The following OR52N2 variants were observed in gnomAD, a reference collection of about 807,000 sequenced individuals.
OR52N2 encodes olfactory receptor 52N2.
For synonymous variants in OR52N2, 129 were observed against 72.0 expected (o/e 1.79, Z -4.01); for missense variants, 326 against 196.6 (o/e 1.66, Z -3.94).
rs746796001 is a variant in OR52N2 at position 5,820,937 on chromosome 11, G to C, written c.602G>C (p.Gly201Ala). Residue 201 changes from glycine (G) to alanine (A), a missense_variant, in exon 2 of 2, where the codon GGT (glycine) becomes GCT (alanine). Coordinates refer to ENST00000317037, the MANE Select transcript of OR52N2 (RefSeq NM_001005174.3). Reference sequence around the variant, plus strand: ...AATTTCAAGGTCAATGCTATTTATGGTCTGATGGTTGCTCTCCTGATTGGT... The same window carrying C: ...AATTTCAAGGTCAATGCTATTTATGCTCTGATGGTTGCTCTCCTGATTGGT... ...CGNFKVNAIY[G>A]LMVALLIGVF... is the part of the protein sequence containing the mutation. The C allele has an allele frequency of 3.8e-6, 3 of 780,976 alleles. No individual in the cohort carries two copies. The highest frequency in any genetic ancestry group is 4.8e-6 in the Non-Finnish European group (2 of 418,108). 48.4% of individuals were successfully genotyped at this position (780,976 alleles called of 1,614,324 possible).
chr11:5,820,900 G>C lies in OR52N2; in HGVS notation c.565G>C (p.Val189Leu). 1.3e-6 allele frequency: 1 copy of C among 781,008 alleles called. No individual in the cohort carries two copies. The highest frequency in any genetic ancestry group is 1.3e-5 in the South Asian group (1 of 74,616). 48.4% of individuals were successfully genotyped at this position (781,008 alleles called of 1,614,324 possible). ...TYCDHMSVAK[V>L]SCGNFKVNAI... ...CTGTGACCATATGTCTGTGGCCAAG[G>C]TATCCTGTGGCAATTTCAAGGTCAA... is the stretch of plus-strand genomic sequence containing the variant. Residue 189 changes from valine to leucine, a missense_variant, in exon 2 of 2, where the codon GTA becomes CTA. Val to Leu is a conservative substitution (Grantham distance 32). Transcript: ENST00000317037.
intron 1 of OR52N2, among the ~76,000 whole-genome samples, chr11:5,815,545 G>A (rs1846397368): frequency 6.6e-6 from 1 of 152,096 alleles, no homozygotes; most frequent in African/African-American, 2.4e-5. Context: ...ACACCAATTA[G>A]GATGGCTACT....
intron 1 of OR52N2, among the ~76,000 whole-genome samples, chr11:5,819,085 C>T (rs1299347365): frequency 6.6e-6 from 1 of 152,140 alleles, no homozygotes; most frequent in Non-Finnish European, 1.5e-5. Context: ...GGATTCACAA[C>T]CATGTAATCC....
In OR52N2 at chr11:5,820,453, G is replaced by C. The variant is rs1196928521; in HGVS notation, c.118G>C (p.Ala40Pro). Residue 40 changes from alanine to proline, a missense_variant, in exon 2 of 2, where the codon GCT becomes CCT. By Grantham distance (27) the Ala-to-Pro change is conservative. Coordinates refer to ENST00000317037, the MANE Select transcript of OR52N2 (RefSeq NM_001005174.3). Reference sequence around the variant, plus strand: ...GCCATTCTGCTTTATGTACATCATTGCTGTCGTGGGGAACTGTGGGCTCAT... The same window carrying C: ...GCCATTCTGCTTTATGTACATCATTCCTGTCGTGGGGAACTGTGGGCTCAT... Reference protein sequence around the residue: ...SLPFCFMYIIAVVGNCGLICL... With the variant: ...SLPFCFMYIIPVVGNCGLICL... 1 of 780,266 alleles carries C rather than the reference G, an allele frequency of 1.3e-6. No individual in the cohort carries two copies. The highest frequency in any genetic ancestry group is 2.4e-6 in the Non-Finnish European group (1 of 417,856). The allele number at this position is 780,266 out of a possible 1,614,324, so 48.3% of individuals were successfully genotyped here. A position where few individuals can be genotyped will look rare whatever the true frequency, so the allele number is the denominator to read the frequency against.
rs368121706 is a variant in OR52N2, at chr11:5,821,341, A to C, written c.*40A>C. On this transcript the variant is annotated 3_prime_UTR_variant, in exon 2 of 2. Coordinates refer to ENST00000317037, the MANE Select transcript of OR52N2 (RefSeq NM_001005174.3). ...ATATTGTTTCAGGTGGTGAGAAAAT[A>C]ATGGAGACAAAATTTCATAAAAGAT... is the stretch of plus-strand genomic sequence containing the variant. The C allele has an allele frequency of 1.4e-6, 1 of 702,552 alleles. No individual in the cohort carries two copies. The highest frequency in any genetic ancestry group is 2.6e-6 in the Non-Finnish European group (1 of 385,660). 43.5% of individuals were successfully genotyped at this position (702,552 alleles called of 1,614,324 possible).
At chr11:5,814,415 CAT>C (rs545652444) in intron 1 of OR52N2, among the ~76,000 whole-genome samples, 18 of 151,762 alleles carry the variant, frequency 1.2e-4, no homozygotes, top group Non-Finnish European at 2.5e-4. Flanking sequence ...TAATAAAATA[CAT>C]AAGAAAATAC....
chr11:5,815,173 T>C (rs2123663), intron 1 of OR52N2, among the ~76,000 whole-genome samples: 37,971 of 151,884 alleles, frequency 0.25, 4,745 homozygotes, highest in Middle Eastern at 0.31. Flanking sequence ...AATGATTTCT[T>C]GGAAATGACA....
At chr11:5,811,536 T>C (rs78191483) in intron 1 of OR52N2, among the ~76,000 whole-genome samples, 1,911 of 152,198 alleles carry the variant, frequency 0.013, 41 homozygotes, top group African/African-American at 0.044. Context: ...TATGTAAGAC[T>C]TGAGGTAACC....
intron 1 of OR52N2, among the ~76,000 whole-genome samples, chr11:5,813,551 T>TA (rs947613029): frequency 2.6e-4 from 39 of 151,592 alleles, no homozygotes; most frequent in African/African-American, 8.7e-4. Flanking sequence ...TCAAAAAAAA[T>TA]AAAAAAAATC....
intron 1 of OR52N2, among the ~76,000 whole-genome samples, chr11:5,811,261 A>G (rs1846359067): frequency 1.4e-5 from 2 of 145,072 alleles, no homozygotes; most frequent in Non-Finnish European, 3.0e-5. Context: ...TCACTGGCAA[A>G]AGTAAGTACA....
At chr11:5,812,751 C>G (rs1046156566) in intron 1 of OR52N2, among the ~76,000 whole-genome samples, 2 of 151,990 alleles carry the variant, frequency 1.3e-5, no homozygotes, top group African/African-American at 2.4e-5. Flanking sequence ...AGATAATCAA[C>G]AAGGAAACAC....
chr11:5,809,713 C>A (rs1846340411), intron 1 of OR52N2, among the ~76,000 whole-genome samples: 3 of 150,596 alleles, frequency 2.0e-5, no homozygotes, highest in Non-Finnish European at 1.5e-5. Context: ...AAAATGATTA[C>A]CATTGCCCAA....
At chr11:5,811,051 A>G (rs1048185582) in intron 1 of OR52N2, among the ~76,000 whole-genome samples, 1 of 151,106 alleles carries the variant, frequency 6.6e-6, no homozygotes, top group African/African-American at 2.4e-5. Context: ...AAAATATATT[A>G]AAATATTTAT....
At chr11:5,820,220 G>A (rs1463486922) in intron 1 of OR52N2, 62 bp from the exon 2 acceptor site, 1 of 673,498 alleles carries the variant, frequency 1.5e-6, no homozygotes, top group Non-Finnish European at 2.7e-6. Flanking sequence ...GGCACTTGAG[G>A]TTCACTTTGT....
intron 1 of OR52N2, among the ~76,000 whole-genome samples, chr11:5,813,106 C>T (rs1237910055): frequency 3.3e-5 from 5 of 150,904 alleles, no homozygotes; most frequent in African/African-American, 7.3e-5. Context: ...ACACCTACAT[C>T]AAAAAAATAA....
chr11:5,813,380 T>C (rs1257720358), intron 1 of OR52N2, among the ~76,000 whole-genome samples: 1 of 152,028 alleles, frequency 6.6e-6, no homozygotes, highest in Non-Finnish European at 1.5e-5. Context: ...TTACAAGAAA[T>C]GGATAAATTC....
intron 1 of OR52N2, among the ~76,000 whole-genome samples, chr11:5,815,449 C>T (rs995505229): frequency 6.6e-6 from 1 of 151,938 alleles, no homozygotes; most frequent in South Asian, 2.1e-4. Flanking sequence ...AGAAGATATA[C>T]AAATGGATAA....
At chr11:5,810,071 G>A (rs554052790) in intron 1 of OR52N2, among the ~76,000 whole-genome samples, 210 of 152,328 alleles carry the variant, frequency 1.4e-3, no homozygotes, top group Non-Finnish European at 2.5e-3. Flanking sequence ...AGTGGGAGAA[G>A]CATCAGATAT....
Position 5,820,849 on chromosome 11 carries a change from CGGG to C in OR52N2, c.517_519del (p.Gly173del), listed in dbSNP as rs1564974217. On this transcript the variant is annotated inframe_deletion, in exon 2 of 2. Coordinates refer to ENST00000317037, the MANE Select transcript of OR52N2 (RefSeq NM_001005174.3). The stretch of plus-strand genomic sequence containing the variant: ...CCTCACCAAGCGCCTGCCCTATTGC[CGGG>C]GGAACTTCATCCCCCACACCTACTG... The C allele has an allele frequency of 1.3e-6, 1 of 780,796 alleles. No homozygotes were observed. 48.4% of individuals were successfully genotyped at this position (780,796 alleles called of 1,614,324 possible).
Sources: allele counts gnomAD v4.1 joint callset (sites outside exome capture counted in the v4.1 genomes callset), GRCh38; gene constraint gnomAD v4.1.1; transcripts MANE v1.5; gene names NCBI Gene and HGNC (gene_info 2026-07-23, HGNC 2026-07-21).